The following RGPD1 variants were observed in gnomAD, a reference collection of about 807,000 sequenced individuals.
RGPD1 encodes RANBP2-like and GRIP domain-containing protein 1.
RGPD1 carries 7 observed loss-of-function variants against 40.6 expected under a neutral mutation model. The observed-to-expected ratio is 0.17, with a 90% confidence interval of 0.10 to 0.32. RGPD1 has a LOEUF of 0.32. RGPD1 is among the 10% of genes least tolerant of loss of function. RGPD1 has a pLI of 1.00. For missense variants in RGPD1, 50 were observed against 472.5 expected (o/e 0.11, Z 8.29); for synonymous variants, 24 against 167.0 (o/e 0.14, Z 6.60).
At chr2:86,943,082 A>G (rs986774593) in intron 1 of RGPD1, among the ~76,000 whole-genome samples, 14 of 150,836 alleles carry the variant, frequency 9.3e-5, no homozygotes, top group Non-Finnish European at 1.3e-4. Flanking sequence ...GCCTGGAGGA[A>G]CCCAGTGGGG....
chr2:86,943,326 A>G (rs1680065021), intron 1 of RGPD1, among the ~76,000 whole-genome samples: 1 of 140,024 alleles, frequency 7.1e-6, no homozygotes. Flanking sequence ...GCTTAAAAAA[A>G]AAAAAATTCT....
At chr2:87,003,542 A>AT (rs1219556672) in intron 22 of RGPD1, among the ~76,000 whole-genome samples, 7 of 66,816 alleles carry the variant, frequency 1.0e-4, no homozygotes, top group Non-Finnish European at 5.8e-5. Flanking sequence ...AAAAAGGTGA[A>AT]TTATGTGGTA....
rs1168224704 is a variant in RGPD1 at position 86,914,131 on chromosome 2, GGGCGGC to G, written c.72+235_72+240del. Among the ~76,000 whole-genome samples the G allele has an allele frequency of 7.8e-3, 213 of 27,366 alleles. 39 individuals carry two copies. The highest frequency in any genetic ancestry group is 0.054 in the African/African-American group (189 of 3,504). 18.0% of individuals were successfully genotyped at this position (27,366 alleles called of 152,430 possible). ...CGGCGGCCTCGGCCCCGGCCTGGCC[GGGCGGC>G]GGCGGCGGCGGCGGCGGCGGCGGCC... On this transcript the variant is annotated intron_variant, in intron 1 of 22. Coordinates refer to the RGPD1 transcript ENST00000398193.
chr2:86,913,885 C>T (rs774687971), exon 1 of RGPD1: 3 of 1,576,450 alleles, frequency 1.9e-6, no homozygotes, highest in Non-Finnish European at 2.6e-6. Flanking sequence ...AGCGGTACCT[C>T]GCCTCGGTGC....
chr2:86,942,119 C>G lies in RGPD1; in HGVS notation c.-118C>G. 1 of 1,394,844 alleles carries G rather than the reference C, an allele frequency of 7.2e-7. No individual in the cohort carries two copies. The highest frequency in any genetic ancestry group is 9.7e-7 in the Non-Finnish European group (1 of 1,030,624). 86.4% of individuals were successfully genotyped at this position (1,394,844 alleles called of 1,614,324 possible). ...GTGCTGACGCAGTACACAAGTGCGT[C>G]ACAGTGGTCCTCCGCCGGCTACGTC... On this transcript the variant is annotated 5_prime_UTR_variant, in exon 1 of 23. Transcript: ENST00000641458.
intron 1 of RGPD1, among the ~76,000 whole-genome samples, chr2:86,933,757 A>ATT (rs536532606): frequency 1.3e-5 from 1 of 79,958 alleles, no homozygotes; most frequent in Non-Finnish European, 2.4e-5. Context: ...CTAAGAGTAA[A>ATT]TTTTTTTTTT....
chr2:86,941,513 G>C (rs1484117897), upstream of RGPD1, among the ~76,000 whole-genome samples: 1 of 148,214 alleles, frequency 6.7e-6, no homozygotes, highest in African/African-American at 2.5e-5. Context: ...CCAAAGTGCT[G>C]GGGCTACCGG....
At chr2:86,956,047 A>C (rs890708319) in intron 4 of RGPD1, among the ~76,000 whole-genome samples, 2 of 148,112 alleles carry the variant, frequency 1.4e-5, no homozygotes, top group African/African-American at 5.0e-5. Flanking sequence ...ATTGAAATCC[A>C]TGAGATTTAT....
chr2:86,945,337 A>C (rs953129928), intron 1 of RGPD1, among the ~76,000 whole-genome samples: 1 of 152,076 alleles, frequency 6.6e-6, no homozygotes, highest in Non-Finnish European at 1.5e-5. Flanking sequence ...ATGTGAAGCT[A>C]TTCTGTAAAG....
At chr2:86,937,319 G>T (rs2104738422), upstream of RGPD1, among the ~76,000 whole-genome samples, 1 of 151,712 alleles carries the variant, frequency 6.6e-6, no homozygotes, top group South Asian at 2.1e-4. Flanking sequence ...TTCTGACCAG[G>T]AGGTCAGATC....
chr2:86,918,453 C>CTTTTT (rs1160123598), intron 1 of RGPD1, among the ~76,000 whole-genome samples: 22 of 78,088 alleles, frequency 2.8e-4, no homozygotes, highest in East Asian at 3.7e-4. Context: ...CACACCAAAT[C>CTTTTT]TTTTTTTTTT....
intron 1 of RGPD1, among the ~76,000 whole-genome samples, chr2:86,924,670 A>G (rs1190130124): frequency 4.0e-5 from 6 of 150,494 alleles, no homozygotes; most frequent in African/African-American, 1.5e-4. Context: ...TCTTACTATA[A>G]TATGTTGCCC....
chr2:86,941,390 CTTTT>C (rs1163415939), upstream of RGPD1, among the ~76,000 whole-genome samples: 1 of 142,094 alleles, frequency 7.0e-6, no homozygotes, highest in Non-Finnish European at 1.5e-5. Context: ...ATTCCTTTTC[CTTTT>C]TTTTTTTTTT....
At chr2:86,988,270 CCT>C (rs1681560711) in intron 20 of RGPD1, among the ~76,000 whole-genome samples, 2 of 133,582 alleles carry the variant, frequency 1.5e-5, no homozygotes, top group African/African-American at 5.7e-5. Context: ...GTGGTGAAAC[CCT>C]GTTTCTACTG....
At chr2:86,914,883 CG>C (rs1174139468) in intron 1 of RGPD1, among the ~76,000 whole-genome samples, 1 of 27,654 alleles carries the variant, frequency 3.6e-5, no homozygotes, top group African/African-American at 1.7e-4. Context: ...GCGGCGGCGG[CG>C]GCCTCGACCT....
rs540025534 is a variant in RGPD1 at position 86,942,264 on chromosome 2, C to T, written c.28C>T (p.Arg10Trp). The change falls in exon 1 of 23, where the codon CGG (arginine) becomes TGG (tryptophan). Residue 10 changes from arginine to tryptophan, a missense_variant. Coordinates refer to ENST00000641458, the MANE Select transcript of RGPD1 (RefSeq NM_001382344.1). ...GAGGCGCAGCAAGGCCTACGGGGAG[C>T]GGTACGTCGCCTCGGTGCAGGGCTC... MRRSKAYGE[R>W]YVASVQGSAP... 17 of 1,606,992 alleles carry T rather than the reference C, an allele frequency of 1.1e-5. No individual in the cohort carries two copies. The East Asian group carries it at 1.1e-4, about 11-fold the overall frequency.
At chr2:86,939,255 A>G (rs1306744264), upstream of RGPD1, among the ~76,000 whole-genome samples, 1 of 137,838 alleles carries the variant, frequency 7.3e-6, no homozygotes, top group Admixed American at 7.2e-5. Flanking sequence ...CCAAAAGAGA[A>G]AAGTCTTTTG....
intron 1 of RGPD1, among the ~76,000 whole-genome samples, chr2:86,914,631 CCTCGACCTGGCCG>C (rs1209820932): frequency 1.9e-5 from 1 of 53,230 alleles, no homozygotes; most frequent in African/African-American, 7.8e-5. Context: ...GCGGCGGCGG[CCTCGACCTGGCCG>C]GGCGGCGGCG....
intron 22 of RGPD1, among the ~76,000 whole-genome samples, chr2:87,011,666 GTTA>G (rs1417642049): frequency 4.0e-5 from 3 of 75,118 alleles, no homozygotes; most frequent in Non-Finnish European, 8.3e-5. Context: ...TGAGGAAGGT[GTTA>G]TTATCCCTGT....
Sources: allele counts gnomAD v4.1 joint callset (sites outside exome capture counted in the v4.1 genomes callset), GRCh38; gene constraint gnomAD v4.1.1; transcripts MANE v1.5; gene names NCBI Gene and HGNC (gene_info 2026-07-23, HGNC 2026-07-21).